FREM2: variants seen among roughly 807,000 people sequenced by gnomAD.
The protein encoded by FREM2 is FRAS1-related extracellular matrix protein 2.
Under a neutral mutation model 219.9 loss-of-function variants are expected in FREM2, and 119 were observed. That is an observed-to-expected ratio of 0.54 (90% CI 0.47 to 0.63). The LOEUF is 0.63. Among genes scored for constraint, FREM2 ranks in the 30% least tolerant of loss-of-function variants. FREM2 has a pLI of 0.00. For missense variants in FREM2, 4,030 were observed against 3,993.6 expected (o/e 1.01, Z -0.25); for synonymous variants, 1,562 against 1,522.8 (o/e 1.03, Z -0.60).
chr13:38,753,911 C>T (rs780613970), intron 2 of FREM2, among the ~76,000 whole-genome samples: 2 of 152,122 alleles, frequency 1.3e-5, no homozygotes, highest in Non-Finnish European at 2.9e-5. Flanking sequence ...TTTCTTCCTT[C>T]CTTTTCCCCC....
intron 3 of FREM2, among the ~76,000 whole-genome samples, 178 bp downstream of exon 3, chr13:38,764,628 C>T (rs541634726): frequency 2.0e-5 from 3 of 152,254 alleles, no homozygotes; most frequent in Non-Finnish European, 2.9e-5. Flanking sequence ...TCTCTTCAAG[C>T]CTTCTGTGTA....
intron 6 of FREM2, among the ~76,000 whole-genome samples, chr13:38,840,642 A>G (rs71423188): frequency 0.15 from 21,218 of 140,022 alleles, 1,846 homozygotes; most frequent in Admixed American, 0.24. Context: ...ATATATATAT[A>G]TATGTGTATG....
rs1195194988 is a variant in FREM2, at chr13:38,784,632, G to A, written c.5843G>A (p.Ser1948Asn). The change falls in exon 6 of 24, where the codon AGT (serine) becomes AAT (asparagine). Residue 1948 changes from serine (S) to asparagine (N), a missense_variant. This residue lies in a region of FREM2 where 3,102 missense variants were observed against 2,950.7 expected (regional missense o/e 1.05). Coordinates refer to ENST00000280481, the MANE Select transcript of FREM2 (RefSeq NM_207361.6). Reference protein sequence around the residue: ...DYISRPEDHTSVVRFDKDERE... With the variant: ...DYISRPEDHTNVVRFDKDERE... ...ATATCCAGGCCTGAGGACCACACCA[G>A]TGTTGTCCGCTTTGACAAAGATGAA... 3.1e-6 allele frequency: 5 copies of A among 1,614,066 alleles called. No individual in the cohort carries two copies. The highest frequency in any genetic ancestry group is 1.3e-5 in the African/African-American group (1 of 74,932).
intron 3 of FREM2, among the ~76,000 whole-genome samples, chr13:38,768,174 A>G (rs1873515780): frequency 6.6e-6 from 1 of 152,230 alleles, no homozygotes; most frequent in African/African-American, 2.4e-5. Flanking sequence ...ATTTTTCAAA[A>G]GTATAATTTT....
chr13:38,687,896 G>A lies in FREM2; in HGVS notation c.552G>A (p.Arg184=), dbSNP rs776175582. 5 of 1,588,724 alleles carry A rather than the reference G, an allele frequency of 3.1e-6. No homozygotes were observed. The highest frequency in any genetic ancestry group is 4.6e-5 in the East Asian group (2 of 43,646). The stretch of plus-strand genomic sequence containing the variant: ...TCACCCAGCTGGAGGTTGTGACTCG[G>A]AACTTGCCTCTGGTCGTGGAAGAGC... The part of the protein sequence containing the change: ...VVFTQLEVVT[R]NLPLVVEELL... Residue 184 remains arginine (R), a synonymous_variant, in exon 1 of 24, where the codon CGG becomes CGA. Coordinates refer to ENST00000280481, the MANE Select transcript of FREM2 (RefSeq NM_207361.6).
intron 6 of FREM2, among the ~76,000 whole-genome samples, chr13:38,791,960 A>C (rs1236322651): frequency 1.3e-5 from 2 of 152,064 alleles, no homozygotes; most frequent in East Asian, 3.9e-4. Flanking sequence ...ATTTTTTGTC[A>C]TTTAATGGGA....
chr13:38,718,701 A>C (rs1871105923), intron 2 of FREM2, among the ~76,000 whole-genome samples: 1 of 152,222 alleles, frequency 6.6e-6, no homozygotes, highest in Non-Finnish European at 1.5e-5. Flanking sequence ...ATTCTGTAAT[A>C]TTTATTAAAC....
intron 2 of FREM2, among the ~76,000 whole-genome samples, chr13:38,703,614 T>G (rs766258800): frequency 1.1e-4 from 17 of 152,198 alleles, no homozygotes; most frequent in Non-Finnish European, 2.4e-4. Flanking sequence ...GTACCTGTAC[T>G]GTGTGCAAGA....
chr13:38,839,204 T>A (rs1042016641), intron 6 of FREM2, among the ~76,000 whole-genome samples: 1 of 152,226 alleles, frequency 6.6e-6, no homozygotes, highest in African/African-American at 2.4e-5. Context: ...GTTTTCCTTC[T>A]AACAGTCAGG....
At chr13:38,708,376 G>T (rs891942294) in intron 2 of FREM2, among the ~76,000 whole-genome samples, 9 of 152,136 alleles carry the variant, frequency 5.9e-5, no homozygotes, top group African/African-American at 2.2e-4. Flanking sequence ...ATTTTAGACC[G>T]GGCGCAGTGG....
At chr13:38,812,106 A>G (rs541896624) in intron 6 of FREM2, among the ~76,000 whole-genome samples, 1 of 152,310 alleles carries the variant, frequency 6.6e-6, no homozygotes, top group African/African-American at 2.4e-5. Context: ...TTATATAAGT[A>G]TAGCTACTCC....
rs139196341 is a variant in FREM2 at position 38,802,586 on chromosome 13, T to G, written c.6019+17778T>G. On this transcript the variant is annotated intron_variant, in intron 6 of 23. Transcript: ENST00000280481. Reference sequence around the variant, plus strand: ...ACCCCAATGGCAGTAAGATTTTTCCTGGAAGTATGTGAAGATGCTCAGCCT... The same window carrying G: ...ACCCCAATGGCAGTAAGATTTTTCCGGGAAGTATGTGAAGATGCTCAGCCT... Among the ~76,000 whole-genome samples, 323 of 152,264 alleles carry G rather than the reference T, an allele frequency of 2.1e-3. 1 individual carries two copies. Among genetic ancestry groups the G allele is most frequent in the Non-Finnish European group, 3.3e-3 (227 of 68,004 alleles).
chr13:38,751,666 G>T (rs950497696), intron 2 of FREM2, among the ~76,000 whole-genome samples: 3 of 151,980 alleles, frequency 2.0e-5, no homozygotes, highest in African/African-American at 7.3e-5. Flanking sequence ...TATAGTATTT[G>T]GTTTACCCTC....
At chr13:38,873,689 A>G (rs974290508) in intron 17 of FREM2, among the ~76,000 whole-genome samples, 2 of 152,178 alleles carry the variant, frequency 1.3e-5, no homozygotes, top group African/African-American at 4.8e-5. Context: ...CGATTCCACA[A>G]ACATCCATAG....
In FREM2 at chr13:38,769,700, G is replaced by A. The variant is rs779493140; in HGVS notation, c.5533G>A (p.Gly1845Arg). ...ATGGCGAGTGCGGATCCTGAGTGAT[G>A]GGGAGCATGAGCAGTCTGAAACCTT... is the stretch of plus-strand genomic sequence containing the variant. The part of the protein sequence containing the change: ...ATWRVRILSD[G>R]EHEQSETFQV... The change falls in exon 4 of 24, where the codon GGG (glycine) becomes AGG (arginine). Residue 1845 changes from glycine (G) to arginine (R), a missense_variant. Gly to Arg is a moderately radical substitution (Grantham distance 125). This residue lies in a region of FREM2 where 3,102 missense variants were observed against 2,950.7 expected (regional missense o/e 1.05). Transcript: ENST00000280481. The A allele has an allele frequency of 1.2e-5, 19 of 1,614,008 alleles. No homozygotes were observed. Among genetic ancestry groups the A allele is most frequent in the Non-Finnish European group, 1.6e-5 (19 of 1,179,992 alleles).
intron 6 of FREM2, 116 bp downstream of exon 6, chr13:38,784,924 G>A: frequency 8.5e-7 from 1 of 1,182,480 alleles, no homozygotes; most frequent in African/African-American, 1.5e-5. Context: ...TTTATTTTAT[G>A]TTTGGTTTTT....
chr13:38,766,539 CTG>C (rs146008431), intron 3 of FREM2, among the ~76,000 whole-genome samples: 1,837 of 152,278 alleles, frequency 0.012, 41 homozygotes, highest in African/African-American at 0.042. Context: ...TTGCTTATAA[CTG>C]TGCCCATACA....
At position 38,769,610 on chromosome 13, in the gene FREM2, G is replaced by A; in HGVS notation, c.5443G>A (p.Asp1815Asn). Residue 1815 changes from aspartate (D) to asparagine (N), a missense_variant, in exon 4 of 24, where the codon GAC (aspartate) becomes AAC (asparagine). Around this residue, in one of 2 missense-constraint regions of FREM2, gnomAD observed 3,102 missense variants for 2,950.7 expected, o/e 1.05. Transcript: ENST00000280481. ...CACAAGAGACAGAACTGCAGAAAAAGACAAAGACTTCAAGGGCAAAGCACA... is the reference window on the plus strand; with the variant it reads ...CACAAGAGACAGAACTGCAGAAAAAAACAAAGACTTCAAGGGCAAAGCACA... Reference protein sequence around the residue: ...IGTRDRTAEKDKDFKGKAQKQ... With the variant: ...IGTRDRTAEKNKDFKGKAQKQ... The A allele has an allele frequency of 6.2e-7, 1 of 1,614,142 alleles. No individual in the cohort carries two copies. Among genetic ancestry groups the A allele is most frequent in the Non-Finnish European group, 8.5e-7 (1 of 1,179,974 alleles).
intron 11 of FREM2, 41 bp from the exon 12 acceptor site, chr13:38,856,085 T>G: frequency 7.1e-7 from 1 of 1,406,672 alleles, no homozygotes. Context: ...CTTCTCATAT[T>G]CATATGCAAA....
Sources: gnomAD v4.1 joint callset for allele counts (sites outside exome capture counted in the v4.1 genomes callset) on GRCh38, gnomAD v4.1.1 for gene constraint, gnomAD v4.1.1 regional missense constraint, MANE v1.5 for transcripts, NCBI Gene and HGNC (gene_info 2026-07-23, HGNC 2026-07-21) for gene names.